The following COPS3 variants were observed in gnomAD, a reference collection of about 807,000 sequenced individuals.
The protein encoded by COPS3 is COP9 signalosome complex subunit 3.
COPS3 carries 10 observed loss-of-function variants against 58.2 expected under a neutral mutation model. That is an observed-to-expected ratio of 0.17 (90% CI 0.11 to 0.29). The LOEUF (loss-of-function observed/expected upper bound fraction) is 0.29, where lower values mean the gene tolerates loss of function less well. Among genes scored for constraint, COPS3 ranks in the 10% least tolerant of loss-of-function variants. The pLI is 1.00. For synonymous variants in COPS3, 187 were observed against 181.7 expected, an observed-to-expected ratio of 1.03 and a Z score of -0.24; for missense variants, 333 against 510.1, an observed-to-expected ratio of 0.65 and a Z score of 3.34.
At chr17:17,256,758 T>G (rs1405740567) in intron 8 of COPS3, among the ~76,000 whole-genome samples, 1 of 152,120 alleles carries the variant, frequency 6.6e-6, no homozygotes, top group Admixed American at 6.6e-5. Context: ...GCTAATTTTA[T>G]TGTTTTATTT....
rs1009920789 is a variant in COPS3, at chr17:17,260,424, G to T, written c.813C>A (p.Asn271Lys). The T allele has an allele frequency of 1.2e-6, 2 of 1,614,072 alleles. No individual in the cohort carries two copies. The highest frequency in any genetic ancestry group is 1.7e-6 in the Non-Finnish European group (2 of 1,180,038). The change falls in exon 8 of 12, where the codon AAC becomes AAA. Residue 271 changes from asparagine to lysine, a missense_variant. Physicochemically the swap from Asn to Lys is moderately conservative, Grantham distance 94. Coordinates refer to ENST00000268717, the MANE Select transcript of COPS3 (RefSeq NM_003653.4). ...TCACCAGGTTTCGGAGTTCTGAGGG[G>T]TTGTTGGTTGAATACACTTGTGCTA... is the stretch of plus-strand genomic sequence containing the variant. ...HELAQVYSTNNPSELRNLVNK... is the reference protein window; with the variant it reads ...HELAQVYSTNKPSELRNLVNK...
intron 5 of COPS3, among the ~76,000 whole-genome samples, chr17:17,265,658 G>A (rs527430456): frequency 6.5e-4 from 99 of 152,104 alleles, no homozygotes; most frequent in African/African-American, 2.0e-3. Flanking sequence ...CTTGGCCTCC[G>A]AATGTGCTAG....
chr17:17,279,689 T>C (rs1463980792), intron 1 of COPS3, among the ~76,000 whole-genome samples: 2 of 152,226 alleles, frequency 1.3e-5, no homozygotes, highest in African/African-American at 2.4e-5. Flanking sequence ...TTGCAATTAA[T>C]GACGGTAACA....
At chr17:17,258,760 C>A (rs2099673002) in intron 8 of COPS3, among the ~76,000 whole-genome samples, 1 of 152,134 alleles carries the variant, frequency 6.6e-6, no homozygotes, top group South Asian at 2.1e-4. Flanking sequence ...TCTTTTAAAC[C>A]TGTAGGTCAA....
In COPS3 at chr17:17,249,001, C is replaced by T. The variant is rs202013101; in HGVS notation, c.1062G>A (p.Lys354=). 8.1e-5 allele frequency: 131 copies of T among 1,608,564 alleles called. 1 individual carries two copies. The East Asian group carries it at 1.3e-3, about 15-fold the overall frequency. ...TATCATGGAAACTGACCATACCGTC[C>T]TTCTGGTTAATACTTGCAAAAATCT... The part of the protein sequence containing the change: ...DGEIFASINQ[K]DGMVSFHDNP... The change falls in exon 10 of 12, where the codon AAG becomes AAA. Residue 354 remains lysine, a synonymous_variant. Transcript: ENST00000268717.
Position 17,268,843 on chromosome 17 carries a change from AC to A in COPS3, c.349-867del, listed in dbSNP as rs746977197. Among the ~76,000 whole-genome samples, 925 of 145,704 alleles carry A rather than the reference AC, an allele frequency of 6.3e-3. 8 individuals are homozygous for A. The highest frequency in any genetic ancestry group is 0.014 in the Middle Eastern group (4 of 276). On this transcript the variant is annotated intron_variant, in intron 4 of 11. Coordinates refer to ENST00000268717, the MANE Select transcript of COPS3 (RefSeq NM_003653.4). The stretch of plus-strand genomic sequence containing the variant: ...CAAAAAAACAACAACAACAACAACA[AC>A]AACAAAAATATATATATATATATGT...
chr17:17,252,503 G>A (rs542675509), intron 9 of COPS3, among the ~76,000 whole-genome samples: 5 of 152,234 alleles, frequency 3.3e-5, no homozygotes, highest in Non-Finnish European at 7.4e-5. Context: ...TCCCTGGCCC[G>A]TACCCATTAG....
chr17:17,276,292 G>A, intron 1 of COPS3, 128 bp from the exon 2 acceptor site: 1 of 1,248,160 alleles, frequency 8.0e-7, no homozygotes, highest in East Asian at 2.5e-5. Context: ...CTTCACTTCG[G>A]ATGAGGATCC....
chr17:17,250,663 A>G (rs2047823040), intron 9 of COPS3, among the ~76,000 whole-genome samples: 1 of 152,192 alleles, frequency 6.6e-6, no homozygotes, highest in Non-Finnish European at 1.5e-5. Flanking sequence ...CTGCCCATGA[A>G]GTTAAAAAGT....
At chr17:17,279,117 G>T (rs556359748) in intron 1 of COPS3, among the ~76,000 whole-genome samples, 13 of 151,962 alleles carry the variant, frequency 8.6e-5, no homozygotes, top group Non-Finnish European at 1.3e-4. Flanking sequence ...CAGATGATCC[G>T]CCCGCCTCGG....
intron 4 of COPS3, among the ~76,000 whole-genome samples, chr17:17,268,402 G>T (rs1168492567): frequency 2.0e-5 from 3 of 152,130 alleles, no homozygotes; most frequent in Non-Finnish European, 4.4e-5. Flanking sequence ...CCCCTTACCT[G>T]GTAGTAAATT....
intron 2 of COPS3, among the ~76,000 whole-genome samples, chr17:17,275,057 C>G (rs914964951): frequency 6.6e-6 from 1 of 151,916 alleles, no homozygotes; most frequent in African/African-American, 2.4e-5. Flanking sequence ...CTCTTGGCCC[C>G]CTTAGTATGT....
At chr17:17,280,875 GC>G in intron 1 of COPS3, 2 of 1,067,584 alleles carry the variant, frequency 1.9e-6, no homozygotes, top group Non-Finnish European at 2.6e-6. Context: ...GGTGGAAGGG[GC>G]CCAGGCCGGG....
In COPS3 at chr17:17,267,825, C is replaced by T. The variant is rs528410320; in HGVS notation, c.441+60G>A. On this transcript the variant is annotated intron_variant, in intron 5 of 11. Transcript: ENST00000268717. The stretch of plus-strand genomic sequence containing the variant: ...TGTGTTTATCAAACCCAATGTTGAG[C>T]AAGCCCATAAACAACCTACACCTCT... 5.2e-5 allele frequency: 81 copies of T among 1,549,084 alleles called. No homozygotes were observed. In the South Asian group the frequency reaches 8.7e-4, roughly 17 times the overall value.
At chr17:17,280,777 C>A in intron 1 of COPS3, 1 of 1,249,236 alleles carries the variant, frequency 8.0e-7, no homozygotes. Flanking sequence ...CGCCAATCAC[C>A]GAAGGCAAGA....
At chr17:17,262,389 G>A (rs899828022) in intron 6 of COPS3, among the ~76,000 whole-genome samples, 2 of 152,126 alleles carry the variant, frequency 1.3e-5, no homozygotes, top group African/African-American at 2.4e-5. Context: ...AGCCTCCTGA[G>A]TACCTGGGAC....
intron 8 of COPS3, among the ~76,000 whole-genome samples, chr17:17,258,059 C>A (rs2048017383): frequency 6.6e-6 from 1 of 152,156 alleles, no homozygotes; most frequent in East Asian, 1.9e-4. Flanking sequence ...AAAAATGGAG[C>A]AGCCACTATC....
At chr17:17,249,252 C>G (rs1318417294) in intron 9 of COPS3, among the ~76,000 whole-genome samples, 1 of 152,200 alleles carries the variant, frequency 6.6e-6, no homozygotes, top group Non-Finnish European at 1.5e-5. Flanking sequence ...AAAACTGATA[C>G]ACACAAAATC....
intron 8 of COPS3, among the ~76,000 whole-genome samples, chr17:17,258,427 T>A (rs1420515059): frequency 6.6e-6 from 1 of 152,226 alleles, no homozygotes; most frequent in Non-Finnish European, 1.5e-5. Context: ...GCCTTCCAAG[T>A]AGCTGGGATT....
Sources: allele counts gnomAD v4.1 joint callset (sites outside exome capture counted in the v4.1 genomes callset), GRCh38; gene constraint gnomAD v4.1.1; transcripts MANE v1.5; gene names NCBI Gene and HGNC (gene_info 2026-07-23, HGNC 2026-07-21).